The following AFF1 variants were observed in gnomAD, a reference collection of about 807,000 sequenced individuals.
AFF1 encodes ALF transcription elongation factor 1.
AFF1 carries 48 observed loss-of-function variants against 121.7 expected under a neutral mutation model. The observed-to-expected ratio is 0.39, with a 90% CI of 0.31 to 0.50. AFF1 has a LOEUF of 0.50. Among genes scored for constraint, AFF1 ranks in the 20% least tolerant of loss-of-function variants. The pLI is 0.76. For synonymous variants in AFF1, 613 were observed against 563.0 expected (o/e 1.09, Z -1.26); for missense variants, 1,523 against 1,511.7 (o/e 1.01, Z -0.12).
chr4:87,038,520 A>C (rs1729786437), intron 2 of AFF1, among the ~76,000 whole-genome samples: 1 of 152,238 alleles, frequency 6.6e-6, no homozygotes, highest in South Asian at 2.1e-4. Context: ...AAAAGGCCAA[A>C]AGATGGACTT....
At chr4:86,938,361 A>G (rs1720198616) in intron 1 of AFF1, among the ~76,000 whole-genome samples, 1 of 151,628 alleles carries the variant, frequency 6.6e-6, no homozygotes, top group Non-Finnish European at 1.5e-5. Context: ...AAGGCAGGAA[A>G]GTCGCTTGAA....
intron 16 of AFF1, among the ~76,000 whole-genome samples, chr4:87,128,378 T>C (rs1728495356): frequency 2.0e-5 from 3 of 152,244 alleles, no homozygotes; most frequent in Admixed American, 2.0e-4. Flanking sequence ...TTTACATCAC[T>C]ACTGCAATAA....
intron 11 of AFF1, among the ~76,000 whole-genome samples, chr4:87,110,464 T>C (rs1338309943): frequency 6.8e-6 from 1 of 146,504 alleles, no homozygotes; most frequent in Non-Finnish European, 1.6e-5. Flanking sequence ...TTGTTTTGTT[T>C]TGTTTTGTTT....
chr4:86,994,846 G>T (rs1367944560), intron 2 of AFF1, among the ~76,000 whole-genome samples: 1 of 152,188 alleles, frequency 6.6e-6, no homozygotes, highest in Non-Finnish European at 1.5e-5. Flanking sequence ...GGGCTGGAGG[G>T]TGTTCATGGG....
chr4:87,062,368 G>C, intron 4 of AFF1, among the ~76,000 whole-genome samples: 1 of 152,074 alleles, frequency 6.6e-6, no homozygotes, highest in East Asian at 1.9e-4. Flanking sequence ...TACAGGCACT[G>C]ATCCCATCCA....
At chr4:87,001,730 T>G (rs952329567) in intron 2 of AFF1, among the ~76,000 whole-genome samples, 3 of 152,244 alleles carry the variant, frequency 2.0e-5, no homozygotes, top group Admixed American at 6.5e-5. Context: ...AAGTCACAGC[T>G]GAAGGGAGAG....
At chr4:86,951,412 A>G (rs1338657716) in intron 2 of AFF1, among the ~76,000 whole-genome samples, 6 of 152,132 alleles carry the variant, frequency 3.9e-5, no homozygotes, top group South Asian at 2.1e-4. Context: ...ACGCTTTTCA[A>G]TTCGTTACAG....
chr4:87,054,050 A>T (rs1033837213), intron 4 of AFF1, among the ~76,000 whole-genome samples: 9 of 152,260 alleles, frequency 5.9e-5, no homozygotes, highest in African/African-American at 2.2e-4. Flanking sequence ...TGCAGAGACC[A>T]TTAGAGAATT....
At chr4:87,085,368 C>G (rs1013863132) in intron 5 of AFF1, among the ~76,000 whole-genome samples, 10 of 150,992 alleles carry the variant, frequency 6.6e-5, no homozygotes, top group African/African-American at 2.2e-4. Context: ...CTTCTGTGGC[C>G]TTTAATTTGC....
chr4:86,973,233 A>G (rs530145463), intron 2 of AFF1, among the ~76,000 whole-genome samples: 2 of 152,112 alleles, frequency 1.3e-5, no homozygotes, highest in African/African-American at 2.4e-5. Context: ...TTGGCAGCCA[A>G]CTGTGGAGTG....
chr4:87,033,076 G>C (rs1054276839), intron 2 of AFF1, among the ~76,000 whole-genome samples: 1 of 152,230 alleles, frequency 6.6e-6, no homozygotes, highest in Non-Finnish European at 1.5e-5. Context: ...CTTGAGCCCA[G>C]AAGTTGGAGG....
intron 15 of AFF1, 47 bp from the exon 16 acceptor site, chr4:87,127,596 T>A (rs1728413899): frequency 3.1e-6 from 5 of 1,593,390 alleles, no homozygotes; most frequent in Non-Finnish European, 4.3e-6. Flanking sequence ...CCTAGTCTAG[T>A]AATTTTTGGC....
At chr4:87,061,993 C>T (rs1460238134) in intron 4 of AFF1, among the ~76,000 whole-genome samples, 3 of 152,174 alleles carry the variant, frequency 2.0e-5, no homozygotes, top group East Asian at 1.9e-4. Flanking sequence ...TTCATTCATT[C>T]ATACGGAAAA....
rs1277450306 is a variant in AFF1 at position 87,115,102 on chromosome 4, T to C, written c.2269T>C (p.Ser757Pro). Residue 757 changes from serine (S) to proline (P), a missense_variant, in exon 12 of 21, where the codon TCA (serine) becomes CCA (proline). Physicochemically the swap from Ser to Pro is moderately conservative, Grantham distance 74 (BLOSUM62 -1). This residue lies in a region of AFF1 where 905 missense variants were observed against 842.5 expected (regional missense o/e 1.07). Coordinates refer to ENST00000395146, the MANE Select transcript of AFF1 (RefSeq NM_001166693.3). ...PLPLRDTKLL[S>P]PLRDTPPPQS... is the part of the protein sequence containing the mutation. ...GCCTTTGAGAGACACCAAGCTGCTC[T>C]CACCGCTCAGGGACACTCCTCCCCC... is the stretch of plus-strand genomic sequence containing the variant. 1 of 1,613,968 alleles carries C rather than the reference T, an allele frequency of 6.2e-7. No individual in the cohort carries two copies. Among genetic ancestry groups the C allele is most frequent in the African/African-American group, 1.3e-5 (1 of 74,898 alleles).
intron 2 of AFF1, among the ~76,000 whole-genome samples, chr4:86,988,575 A>G (rs1724471757): frequency 6.6e-6 from 1 of 152,222 alleles, no homozygotes. Context: ...TTCCGTGCTC[A>G]TGGATAGGAA....
chr4:87,093,749 A>G (rs1239075641), intron 7 of AFF1, among the ~76,000 whole-genome samples: 1 of 152,210 alleles, frequency 6.6e-6, no homozygotes, highest in African/African-American at 2.4e-5. Context: ...CAAAGTGACT[A>G]ATTGCAAATA....
intron 2 of AFF1, among the ~76,000 whole-genome samples, chr4:86,994,748 A>G (rs1288784236): frequency 1.3e-5 from 2 of 152,176 alleles, no homozygotes; most frequent in African/African-American, 4.8e-5. Flanking sequence ...GATAATGGTA[A>G]GGGGTCTTCA....
In AFF1 at chr4:86,938,324, CCTGTAATTACG is replaced by C. The variant is rs1303405957; in HGVS notation, c.-37+3087_-37+3097del. Among the ~76,000 whole-genome samples the C allele has an allele frequency of 8.5e-5, 13 of 152,076 alleles. No individual in the cohort carries two copies. The East Asian group carries it at 2.3e-3, about 27-fold the overall frequency. On this transcript the variant is annotated intron_variant, in intron 1 of 20. Transcript: ENST00000395146. ...AAGTAGCTGGGCATGATGGCGTGCT[CCTGTAATTACG>C]CTTCCTCGGGAGGCTAAGGCAGGAA...
intron 2 of AFF1, among the ~76,000 whole-genome samples, chr4:86,958,516 C>T (rs1170172287): frequency 2.6e-5 from 4 of 151,898 alleles, no homozygotes; most frequent in East Asian, 3.9e-4. Context: ...GTCAGGAGTT[C>T]GAGACCAGCC....
Sources: allele counts gnomAD v4.1 joint callset (sites outside exome capture counted in the v4.1 genomes callset), GRCh38; gene constraint gnomAD v4.1.1; regional missense constraint gnomAD v4.1.1; transcripts MANE v1.5; gene names NCBI Gene and HGNC (gene_info 2026-07-23, HGNC 2026-07-21).